The following SV2C variants were observed in gnomAD, a reference collection of about 807,000 sequenced individuals.
The protein encoded by SV2C is synaptic vesicle glycoprotein 2C, also known as solute carrier family 22 member B3.
In SV2C, 49 loss-of-function variants were observed where a neutral mutation model predicts 79.7. The ratio of observed to expected loss-of-function variants is 0.61; its 90% confidence interval spans 0.49 to 0.78. SV2C has a LOEUF of 0.78. Among genes scored for constraint, SV2C ranks in the 30% least tolerant of loss-of-function variants. The pLI, the probability that SV2C is intolerant of heterozygous loss-of-function variation, is 0.00. For missense variants in SV2C, 833 were observed against 912.9 expected (o/e 0.91, Z 1.13); for synonymous variants, 334 against 333.2 (o/e 1.00, Z -0.03).
intron 6 of SV2C, among the ~76,000 whole-genome samples, chr5:76,288,607 C>T (rs1747433203): frequency 1.3e-5 from 2 of 152,188 alleles, no homozygotes; most frequent in South Asian, 4.1e-4. Context: ...GAAGGTGTCT[C>T]TATAGGGCCT....
intron 3 of SV2C, among the ~76,000 whole-genome samples, chr5:76,206,524 T>C (rs1561263957): frequency 3.3e-5 from 5 of 152,242 alleles, no homozygotes; most frequent in African/African-American, 1.2e-4. Context: ...ACTTCTATTA[T>C]GGTCATATTG....
intron 4 of SV2C, among the ~76,000 whole-genome samples, chr5:76,276,663 A>T: frequency 7.0e-6 from 1 of 143,134 alleles, no homozygotes; most frequent in Non-Finnish European, 1.5e-5. Flanking sequence ...TTGAGACAGC[A>T]TCTCACTCTG....
rs1747315086 is a variant in SV2C at position 76,285,273 on chromosome 5, A to G, written c.1025A>G (p.Glu342Gly). 6.2e-7 allele frequency: 1 copy of G among 1,614,170 alleles called. No homozygotes were observed. The highest frequency in any genetic ancestry group is 8.5e-7 in the Non-Finnish European group (1 of 1,180,016). ...GTGGTGGCCCTCACATTCATGCCTG[A>G]AAGCCCACGATTCTTGTTGGAGGTA... is the stretch of plus-strand genomic sequence containing the variant. ...SSVVALTFMP[E>G]SPRFLLEVGK... is the part of the protein sequence containing the mutation. The change falls in exon 5 of 13, where the codon GAA becomes GGA. Residue 342 changes from glutamate to glycine, a missense_variant. By Grantham distance (98) the Glu-to-Gly change is moderately conservative (BLOSUM62 -2). Coordinates refer to ENST00000502798, the MANE Select transcript of SV2C (RefSeq NM_014979.4).
chr5:76,139,288 T>C lies in SV2C; in HGVS notation c.580+6958T>C, dbSNP rs1036458215. On this transcript the variant is annotated intron_variant, in intron 2 of 12. Transcript: ENST00000502798. ...TATCTAGGGGCCACATGTATCTCTA[T>C]TGTAGGGAAAGATGCATTAGACATC... 3.3e-5 allele frequency among the ~76,000 whole-genome samples: 5 copies of C among 152,218 alleles called. No individual in the cohort carries two copies. In the East Asian group the frequency reaches 5.8e-4, roughly 18 times the overall value.
intron 2 of SV2C, among the ~76,000 whole-genome samples, chr5:76,162,499 G>C (rs1464328530): frequency 6.6e-6 from 1 of 152,148 alleles, no homozygotes; most frequent in South Asian, 2.1e-4. Context: ...TTGGGTTACC[G>C]ATTAGCTTAG....
At chr5:76,144,495 A>C (rs1749359524) in intron 2 of SV2C, among the ~76,000 whole-genome samples, 1 of 152,196 alleles carries the variant, frequency 6.6e-6, no homozygotes, top group African/African-American at 2.4e-5. Context: ...ATCTTTGCTA[A>C]TTCCTCTTCC....
chr5:76,321,872 GCGT>G (rs1181390021), intron 12 of SV2C, among the ~76,000 whole-genome samples: 1 of 151,714 alleles, frequency 6.6e-6, no homozygotes, highest in Non-Finnish European at 1.5e-5. Flanking sequence ...TTATATACCT[GCGT>G]ATCTTAAAGA....
At chr5:75,970,380 C>T in the SV2C span, among the ~76,000 whole-genome samples, 1 of 151,856 alleles carries the variant, frequency 6.6e-6, no homozygotes, top group Non-Finnish European at 1.5e-5. Flanking sequence ...TCAATGAATC[C>T]AGGAGCTGGT....
At chr5:75,927,399 A>T in the SV2C span, among the ~76,000 whole-genome samples, 2 of 152,070 alleles carry the variant, frequency 1.3e-5, no homozygotes, top group African/African-American at 4.8e-5. Context: ...CCAGTCTCAG[A>T]AGGACAAATA....
At chr5:75,970,551 T>C in the SV2C span, among the ~76,000 whole-genome samples, 17,661 of 151,974 alleles carry the variant, frequency 0.12, 3,036 homozygotes, top group African/African-American at 0.37. Context: ...AACACCTCTA[T>C]GCAAATAAAC....
chr5:76,012,534 A>C, the SV2C span, among the ~76,000 whole-genome samples: 2 of 151,830 alleles, frequency 1.3e-5, no homozygotes, highest in African/African-American at 4.8e-5. Context: ...GATTGCAAAA[A>C]TTTTCTCCCA....
chr5:76,203,342 G>T (rs1019857572), intron 3 of SV2C, among the ~76,000 whole-genome samples: 1 of 151,992 alleles, frequency 6.6e-6, no homozygotes, highest in African/African-American at 2.4e-5. Context: ...TAAATGAAGG[G>T]TGGGTGGGAG....
rs13153247 is a variant in SV2C, at chr5:76,209,789, G to A, written c.815G>A (p.Arg272Gln). Residue 272 changes from arginine (R) to glutamine (Q), a missense_variant, in exon 4 of 13, where the codon CGG (arginine) becomes CAG (glutamine). Transcript: ENST00000502798. ...TCGTACTTTGCTGAAGTCCTGGCCC[G>A]GGAAAAGCGGGGCGAACACTTGAGC... is the stretch of plus-strand genomic sequence containing the variant. ...VFSYFAEVLA[R>Q]EKRGEHLSWL... 2.3e-5 allele frequency: 37 copies of A among 1,614,082 alleles called. No homozygotes were observed. Among genetic ancestry groups the A allele is most frequent in the Non-Finnish European group, 2.9e-5 (34 of 1,180,044 alleles).
chr5:76,046,494 T>A, the SV2C span, among the ~76,000 whole-genome samples: 1 of 152,200 alleles, frequency 6.6e-6, no homozygotes, highest in Non-Finnish European at 1.5e-5. Flanking sequence ...AAACATTGAC[T>A]TTTTAGCTCG....
At chr5:75,911,384 G>A in the SV2C span, 1 of 1,183,742 alleles carries the variant, frequency 8.4e-7, no homozygotes, top group Non-Finnish European at 1.2e-6. Flanking sequence ...CCAAAGAAGA[G>A]AACCTATATC....
At chr5:75,946,332 T>G in the SV2C span, among the ~76,000 whole-genome samples, 2 of 152,148 alleles carry the variant, frequency 1.3e-5, no homozygotes, top group Admixed American at 1.3e-4. Flanking sequence ...ATCATCATTT[T>G]CCATTGAATT....
At chr5:75,961,189 C>T in the SV2C span, among the ~76,000 whole-genome samples, 357 of 152,062 alleles carry the variant, frequency 2.3e-3, 3 homozygotes, top group African/African-American at 8.3e-3. Flanking sequence ...TTCTGTATGA[C>T]TGGAAGACAG....
chr5:76,105,098 T>G (rs1747866327), intron 1 of SV2C, among the ~76,000 whole-genome samples: 1 of 152,114 alleles, frequency 6.6e-6, no homozygotes, highest in South Asian at 2.1e-4. Context: ...GGGCCGTAAA[T>G]CCAAGGTGTC....
chr5:76,209,024 G>C (rs976325974), intron 3 of SV2C, among the ~76,000 whole-genome samples: 1 of 152,158 alleles, frequency 6.6e-6, no homozygotes, highest in Non-Finnish European at 1.5e-5. Context: ...CCAGAGCTCA[G>C]TCAGCAGCTT....
Sources: gnomAD v4.1 joint callset for allele counts (sites outside exome capture counted in the v4.1 genomes callset) on GRCh38, gnomAD v4.1.1 for gene constraint, MANE v1.5 for transcripts, NCBI Gene and HGNC (gene_info 2026-07-23, HGNC 2026-07-21) for gene names.